The following ACSF2 variants were observed in gnomAD, a reference collection of about 807,000 sequenced individuals.
ACSF2 encodes the protein acyl-CoA synthetase family member 2.
ACSF2 carries 52 observed loss-of-function variants against 79.3 expected under a neutral mutation model. The ratio of observed to expected loss-of-function variants is 0.66; its 90% CI spans 0.53 to 0.83. The LOEUF (loss-of-function observed/expected upper bound fraction) is 0.83. Among genes scored for constraint, ACSF2 ranks in the 40% least tolerant of loss-of-function variants. ACSF2 has a pLI of 0.00. For missense variants in ACSF2, 661 were observed against 803.3 expected, an observed-to-expected ratio of 0.82 and a Z score of 2.14; for synonymous variants, 283 against 312.6, an observed-to-expected ratio of 0.91 and a Z score of 1.00.
At chr17:50,459,055 G>A (rs2032183425) in intron 1 of ACSF2, among the ~76,000 whole-genome samples, 1 of 152,200 alleles carries the variant, frequency 6.6e-6, no homozygotes, top group Non-Finnish European at 1.5e-5. Flanking sequence ...CGAAAGCATG[G>A]TCGATAAATG....
rs144013435 is a variant in ACSF2 at position 50,463,875 on chromosome 17, C to A, written c.1104C>A (p.Asp368Glu). The change falls in exon 9 of 16, where the codon GAC (aspartate) becomes GAA (glutamate). Residue 368 changes from aspartate to glutamate, a missense_variant. Transcript: ENST00000300441. This position sits in a 1 kb window ranked among gnomAD's most constrained non-coding sequence, Gnocchi z 4.6. ...TMFVDILNQPDFSSYDISTMC... is the reference protein window; with the variant it reads ...TMFVDILNQPEFSSYDISTMC... ...TCGTGGACATTCTGAACCAGCCAGA[C>A]TTCTCCAGTTATGACATCTCGACCA... The A allele has an allele frequency of 2.4e-4, 382 of 1,614,064 alleles. 1 individual carries two copies. Among genetic ancestry groups the A allele is most frequent in the Non-Finnish European group, 3.1e-4 (364 of 1,180,034 alleles).
At chr17:50,469,107 AG>A in intron 10 of ACSF2, 1 of 1,136,062 alleles carries the variant, frequency 8.8e-7, no homozygotes, top group South Asian at 2.9e-5. Flanking sequence ...CCCCGGCTGT[AG>A]CCCCCCGCTC....
chr17:50,467,412 CG>C (rs1210754687), intron 10 of ACSF2, among the ~76,000 whole-genome samples: 1 of 152,220 alleles, frequency 6.6e-6, no homozygotes, highest in Non-Finnish European at 1.5e-5. Flanking sequence ...CTTGGTCCCA[CG>C]CCTACTGAGC....
intron 10 of ACSF2, chr17:50,464,509 T>A (rs1419875592): frequency 1.5e-6 from 1 of 683,602 alleles, no homozygotes; most frequent in Non-Finnish European, 2.7e-6. Flanking sequence ...AATACATACA[T>A]ACATTTATAT....
chr17:50,470,989 T>G lies in ACSF2; in HGVS notation c.1216-39T>G, dbSNP rs374326111. On this transcript the variant is annotated intron_variant, in intron 10 of 15. Transcript: ENST00000300441. ...ATAGCTCACCTGATCCCTCTGCACG[T>G]GCTGAGCCCTCTTCAAACACCCTTT... 24 of 1,472,384 alleles carry G rather than the reference T, an allele frequency of 1.6e-5. No homozygotes were observed. The African/African-American group carries it at 3.1e-4, about 19-fold the overall frequency. 91.2% of individuals were successfully genotyped at this position (1,472,384 alleles called of 1,614,324 possible). A position where few individuals can be genotyped will look rare whatever the true frequency, so the allele number is the denominator to read the frequency against.
chr17:50,457,511 T>G (rs1024167043), intron 1 of ACSF2, among the ~76,000 whole-genome samples: 1 of 152,098 alleles, frequency 6.6e-6, no homozygotes, highest in Non-Finnish European at 1.5e-5. Context: ...CATAGACATA[T>G]GGAATTGAAT....
chr17:50,474,592 T>C lies in ACSF2; in HGVS notation c.*40T>C. On this transcript the variant is annotated 3_prime_UTR_variant, in exon 16 of 16. Transcript: ENST00000300441. This position sits in a 1 kb window ranked among gnomAD's most constrained non-coding sequence, Gnocchi z 4.2. ...CTGTCCTGGCCGGTTGGCTTGACTCTCTCCTGTCAGAATGCAACCTGGCTT... is the reference window on the plus strand; with the variant it reads ...CTGTCCTGGCCGGTTGGCTTGACTCCCTCCTGTCAGAATGCAACCTGGCTT... 6.2e-7 allele frequency: 1 copy of C among 1,604,642 alleles called. No homozygotes were observed. Among genetic ancestry groups the C allele is most frequent in the Non-Finnish European group, 8.5e-7 (1 of 1,171,790 alleles).
chr17:50,457,353 A>G (rs1054079593), intron 1 of ACSF2, among the ~76,000 whole-genome samples: 7 of 152,320 alleles, frequency 4.6e-5, no homozygotes, highest in African/African-American at 1.7e-4. Context: ...TGAGGACCAC[A>G]CCATTGGTGG....
intron 12 of ACSF2, chr17:50,472,914 T>A: frequency 5.3e-6 from 1 of 190,176 alleles, no homozygotes; most frequent in Non-Finnish European, 1.1e-5. Context: ...ATGAGAAGGA[T>A]CCTGCTTTTT....
rs746277622 is a variant in ACSF2, at chr17:50,465,724, C to T, written c.1215+1430C>T. 23 of 1,613,460 alleles carry T rather than the reference C, an allele frequency of 1.4e-5. No homozygotes were observed. In the South Asian group the frequency reaches 2.3e-4, roughly 16 times the overall value. On this transcript the variant is annotated intron_variant, in intron 10 of 15. Coordinates refer to ENST00000300441, the MANE Select transcript of ACSF2 (RefSeq NM_025149.6). ...GTTCTTACCGCCGAAGGCCCCGGAGCTGGCAGGTACACTTCCAGGGGTTAT... is the reference window on the plus strand; with the variant it reads ...GTTCTTACCGCCGAAGGCCCCGGAGTTGGCAGGTACACTTCCAGGGGTTAT...
intron 1 of ACSF2, among the ~76,000 whole-genome samples, chr17:50,457,182 T>C (rs1255495861): frequency 6.6e-6 from 1 of 152,242 alleles, no homozygotes; most frequent in African/African-American, 2.4e-5. Flanking sequence ...GGTGACAGTT[T>C]CTGAGCTCTT....
Position 50,463,026 on chromosome 17 carries a change from A to G in ACSF2, c.793-130A>G. On this transcript the variant is annotated intron_variant, in intron 6 of 15. Transcript: ENST00000300441. This position sits in a 1 kb window ranked among gnomAD's most constrained non-coding sequence, Gnocchi z 4.6. ...GTATCGTGGTAGACCTTTTGCAAAT[A>G]TACTGAACAGATGGATCTGGGGCAA... 1.3e-6 allele frequency: 1 copy of G among 774,716 alleles called. No individual in the cohort carries two copies. The highest frequency in any genetic ancestry group is 1.7e-5 in the South Asian group (1 of 60,254). 48.0% of individuals were successfully genotyped at this position (774,716 alleles called of 1,614,324 possible).
rs2029993378 is a variant in ACSF2 at position 50,432,245 on chromosome 17, T to C, written c.128+5856T>C. Reference sequence around the variant, plus strand: ...TAAATAGTGCATTGTGAGGGTTAAATGAGGTCCCATAAGAAAATGCTTAAC... The same window carrying C: ...TAAATAGTGCATTGTGAGGGTTAAACGAGGTCCCATAAGAAAATGCTTAAC... On this transcript the variant is annotated intron_variant, in intron 1 of 15. Transcript: ENST00000300441. Among the ~76,000 whole-genome samples the C allele has an allele frequency of 2.0e-5, 3 of 152,202 alleles. No homozygotes were observed. The South Asian group carries it at 6.2e-4, about 32-fold the overall frequency.
chr17:50,461,979 A>C (rs978021006), intron 4 of ACSF2, among the ~76,000 whole-genome samples: 7 of 149,114 alleles, frequency 4.7e-5, no homozygotes, highest in African/African-American at 1.8e-4. Context: ...TATGTGATGC[A>C]TATGTGTCTC....
chr17:50,431,335 A>G (rs1471728545), intron 1 of ACSF2, among the ~76,000 whole-genome samples: 2 of 152,218 alleles, frequency 1.3e-5, no homozygotes, highest in African/African-American at 4.8e-5. Context: ...GAAGGAGTCT[A>G]CAGGGGAAGT....
In ACSF2 at chr17:50,471,069, G is replaced by T. The variant is rs201338842; in HGVS notation, c.1257G>T (p.Ala419=). The change falls in exon 11 of 16, where the codon GCG becomes GCT. Residue 419 remains alanine, a synonymous_variant. Transcript: ENST00000300441. The surrounding 1 kb of genome is among the most constrained non-coding windows in gnomAD (Gnocchi z 4.1). ...CAGAGAACAGTCCCGTGACATTCGC[G>T]CACTTCCCTGAGGACACTGTGGAGC... The part of the protein sequence containing the change: ...GTTENSPVTF[A]HFPEDTVEQK... 6.2e-7 allele frequency: 1 copy of T among 1,613,844 alleles called. No individual in the cohort carries two copies. Among genetic ancestry groups the T allele is most frequent in the African/African-American group, 1.3e-5 (1 of 74,848 alleles).
chr17:50,448,885 C>A (rs2031467221), intron 1 of ACSF2, among the ~76,000 whole-genome samples: 1 of 151,914 alleles, frequency 6.6e-6, no homozygotes, highest in South Asian at 2.1e-4. Context: ...CCTGCATGTT[C>A]TTACCTGGCT....
intron 3 of ACSF2, 128 bp from the exon 4 acceptor site, chr17:50,461,505 C>A: frequency 6.3e-7 from 1 of 1,581,232 alleles, no homozygotes. Context: ...TCTCCTGAGG[C>A]CCACCAAGGA....
intron 10 of ACSF2, chr17:50,468,017 A>G (rs770502090): frequency 6.4e-7 from 1 of 1,554,886 alleles, no homozygotes; most frequent in Admixed American, 1.8e-5. Flanking sequence ...GAACCAGGGC[A>G]GAGCCCACAG....
Sources: gnomAD v4.1 joint callset for allele counts (sites outside exome capture counted in the v4.1 genomes callset) on GRCh38, gnomAD v4.1.1 for gene constraint, Gnocchi (gnomAD v3.1) non-coding constraint, MANE v1.5 for transcripts, NCBI Gene and HGNC (gene_info 2026-07-23, HGNC 2026-07-21) for gene names.